Variants in ADAM10 observed in about 807,000 individuals in gnomAD.
ADAM10 encodes ADAM metallopeptidase domain 10, also known as disintegrin and metalloproteinase domain-containing protein 10.
Under a neutral mutation model 90.1 loss-of-function variants are expected in ADAM10, and 17 were observed. The observed-to-expected ratio is 0.19, with a 90% CI of 0.13 to 0.28. ADAM10 has a LOEUF of 0.28. Ranked by LOEUF, ADAM10 falls within the 10% of genes least tolerant of loss-of-function variation. The probability of loss-of-function intolerance (pLI) is 1.00; values close to 1 mark genes in which losing one functional copy is unlikely to be tolerated. For missense variants in ADAM10, 610 were observed against 914.3 expected, an observed-to-expected ratio of 0.67 and a Z score of 4.29; for synonymous variants, 310 against 298.6, an observed-to-expected ratio of 1.04 and a Z score of -0.40.
rs886156524 is a variant in ADAM10 at position 58,590,302 on chromosome 15, G to T, written c.*7245C>A. On this transcript the variant is annotated 3_prime_UTR_variant, in exon 16 of 16. Transcript: ENST00000260408. ...CTCAGCATGTATCACAGCTGGAATT[G>T]TACATTTATTCACATGATTATCTGA... The T allele has an allele frequency of 1.3e-5, 2 of 152,140 alleles. No individual in the cohort carries two copies. Among genetic ancestry groups the T allele is most frequent in the Non-Finnish European group, 1.5e-5 (1 of 68,050 alleles). The allele number at this position is 152,140 out of a possible 1,614,324, so 9.4% of individuals were successfully genotyped here.
rs1474562546 is a variant in ADAM10, at chr15:58,592,941, AAAT to A, written c.*4603_*4605del. Reference sequence around the variant, plus strand: ...GTTTAAAATTCTTTAGAATTGTTTAAAATAATAAACAATGTGGAACCTACATGT... The same window carrying A: ...GTTTAAAATTCTTTAGAATTGTTTAAAATAAACAATGTGGAACCTACATGT... On this transcript the variant is annotated 3_prime_UTR_variant, in exon 16 of 16. Transcript: ENST00000260408. 1 of 150,474 alleles carries A rather than the reference AAAT, an allele frequency of 6.6e-6. No individual in the cohort carries two copies. Among genetic ancestry groups the A allele is most frequent in the Non-Finnish European group, 1.5e-5 (1 of 67,674 alleles). The allele number at this position is 150,474 out of a possible 1,614,324, so 9.3% of individuals were successfully genotyped here.
rs1236658803 is a variant in ADAM10, at chr15:58,643,917, C to T, written c.797G>A (p.Arg266His). The change falls in exon 7 of 16, where the codon CGT becomes CAT. Residue 266 changes from arginine (R) to histidine (H), a missense_variant. Around this residue, in one of 4 missense-constraint regions of ADAM10, gnomAD observed 310 missense variants for 362.4 expected, o/e 0.86. Coordinates refer to ENST00000260408, the MANE Select transcript of ADAM10 (RefSeq NM_001110.4). The part of the protein sequence containing the change: ...IYQTTDFSGI[R>H]NISFMVKRIR... Reference sequence around the variant, plus strand: ...GCGTTTCACCATGAAACTGATGTTACGGATTCCGGAGAAGTCTGTGGTCTG... The same window carrying T: ...GCGTTTCACCATGAAACTGATGTTATGGATTCCGGAGAAGTCTGTGGTCTG... The T allele has an allele frequency of 2.5e-6, 4 of 1,613,082 alleles. No individual in the cohort carries two copies. In the African/African-American group the frequency reaches 4.0e-5, roughly 16 times the overall value.
intron 2 of ADAM10, among the ~76,000 whole-genome samples, chr15:58,694,033 T>C (rs1411756181): frequency 1.3e-5 from 2 of 152,234 alleles, no homozygotes; most frequent in Non-Finnish European, 2.9e-5. Context: ...TACCCTTTGC[T>C]AGAATAACAT....
chr15:58,643,530 A>T (rs1420968801), intron 7 of ADAM10, among the ~76,000 whole-genome samples: 2 of 152,216 alleles, frequency 1.3e-5, no homozygotes, highest in Non-Finnish European at 2.9e-5. Context: ...CACTGCACAA[A>T]GCAAATTTTA....
chr15:58,749,369 G>GC (rs1223721616), intron 1 of ADAM10, 111 bp downstream of exon 1: 6 of 1,211,416 alleles, frequency 5.0e-6, no homozygotes, highest in East Asian at 7.3e-5. Context: ...GGCGCCGCTG[G>GC]CCGGCTGGGC....
intron 1 of ADAM10, chr15:58,748,938 C>T: frequency 2.5e-6 from 1 of 398,774 alleles, no homozygotes; most frequent in Non-Finnish European, 4.4e-6. Context: ...GGGTAAAGAA[C>T]AATACACGAG....
chr15:58,705,981 A>G (rs1898275830), intron 2 of ADAM10, among the ~76,000 whole-genome samples: 1 of 152,220 alleles, frequency 6.6e-6, no homozygotes, highest in African/African-American at 2.4e-5. Context: ...TAATATATTT[A>G]GGGTTTAGTA....
chr15:58,735,069 T>C (rs1022820626), intron 1 of ADAM10, among the ~76,000 whole-genome samples: 16 of 152,206 alleles, frequency 1.1e-4, no homozygotes, highest in Middle Eastern at 3.2e-3. Flanking sequence ...AAAGTATAGA[T>C]AGAGCATGTG....
At position 58,633,101 on chromosome 15, in the gene ADAM10, G is replaced by A. The variant is rs1247318797; in HGVS notation, c.1176+95C>T. 3.3e-6 allele frequency: 4 copies of A among 1,205,158 alleles called. No homozygotes were observed. In the African/African-American group the frequency reaches 6.1e-5, roughly 18 times the overall value. The allele number at this position is 1,205,158 out of a possible 1,614,324, so 74.7% of individuals were successfully genotyped here. A position where few individuals can be genotyped will look rare whatever the true frequency, so the allele number is the denominator to read the frequency against. The stretch of plus-strand genomic sequence containing the variant: ...TGACATAAAAACTAAACACTCGTAA[G>A]TACATTTGTTTTCACGGTGAATTTT... On this transcript the variant is annotated intron_variant, in intron 9 of 15. Transcript: ENST00000260408.
Position 58,595,241 on chromosome 15 carries a change from G to A in ADAM10, c.*2306C>T, listed in dbSNP as rs1894920110. 1 of 152,002 alleles carries A rather than the reference G, an allele frequency of 6.6e-6. No individual in the cohort carries two copies. Among genetic ancestry groups the A allele is most frequent in the Non-Finnish European group, 1.5e-5 (1 of 67,952 alleles). 9.4% of individuals were successfully genotyped at this position (152,002 alleles called of 1,614,324 possible). A position where few individuals can be genotyped will look rare whatever the true frequency, so the allele number is the denominator to read the frequency against. On this transcript the variant is annotated 3_prime_UTR_variant, in exon 16 of 16. Coordinates refer to ENST00000260408, the MANE Select transcript of ADAM10 (RefSeq NM_001110.4). ...AAAAGGTTTATTGTGTGTACGCAGA[G>A]TATCTAACTGGAAATTTTCTACATG...
chr15:58,688,766 T>TTA (rs780219725), intron 2 of ADAM10, among the ~76,000 whole-genome samples: 3,736 of 121,800 alleles, frequency 0.031, 140 homozygotes, highest in East Asian at 0.065. Context: ...AAAAAAAAAA[T>TTA]TATATATATA....
At chr15:58,597,740 G>A (rs1363452288) in intron 15 of ADAM10, 99 bp from the exon 16 acceptor site, 14 of 1,348,986 alleles carry the variant, frequency 1.0e-5, no homozygotes, top group Admixed American at 4.1e-5. Flanking sequence ...TTTTAGTTCA[G>A]TGCTGTCCAA....
chr15:58,599,478 A>G, intron 15 of ADAM10, 120 bp downstream of exon 15: 1 of 1,236,916 alleles, frequency 8.1e-7, no homozygotes, highest in Non-Finnish European at 1.2e-6. Flanking sequence ...TCATCCAATA[A>G]TCCCATTCTT....
chr15:58,644,396 A>AT (rs1896496595), intron 6 of ADAM10, among the ~76,000 whole-genome samples: 1 of 151,806 alleles, frequency 6.6e-6, no homozygotes, highest in African/African-American at 2.4e-5. Flanking sequence ...TGCCCAGCTA[A>AT]TTTTTGTATT....
chr15:58,645,884 C>G (rs1275538761), intron 6 of ADAM10, among the ~76,000 whole-genome samples, 171 bp downstream of exon 6: 1 of 152,106 alleles, frequency 6.6e-6, no homozygotes, highest in African/African-American at 2.4e-5. Context: ...TAAAATATCC[C>G]AACTGGTCTT....
At position 58,651,962 on chromosome 15, in the gene ADAM10, C is replaced by G. The variant is rs143232815; in HGVS notation, c.586-5758G>C. ...CATTTTTACTGAGGTGAGACGGTAT[C>G]TCACTGTAATTTTTATTTGCATTTC... On this transcript the variant is annotated intron_variant, in intron 5 of 15. Coordinates refer to ENST00000260408, the MANE Select transcript of ADAM10 (RefSeq NM_001110.4). Among the ~76,000 whole-genome samples the G allele has an allele frequency of 6.4e-3, 976 of 152,232 alleles. 11 individuals carry two copies. The highest frequency in any genetic ancestry group is 0.023 in the African/African-American group (947 of 41,528).
At chr15:58,729,739 G>A (rs929133161) in intron 1 of ADAM10, among the ~76,000 whole-genome samples, 3 of 152,100 alleles carry the variant, frequency 2.0e-5, no homozygotes, top group South Asian at 2.1e-4. Flanking sequence ...CAAGGCAGGC[G>A]GATCACTTGA....
At chr15:58,609,887 A>G in intron 14 of ADAM10, 1 of 234,096 alleles carries the variant, frequency 4.3e-6, no homozygotes, top group South Asian at 5.8e-5. Flanking sequence ...TACAAACAAG[A>G]TAAAGACCCA....
At chr15:58,723,287 G>A (rs897392178) in intron 1 of ADAM10, among the ~76,000 whole-genome samples, 17 of 152,042 alleles carry the variant, frequency 1.1e-4, no homozygotes, top group African/African-American at 3.6e-4. Context: ...TCACAGCCCC[G>A]TGACTGCAGA....
Sources: allele counts gnomAD v4.1 joint callset (sites outside exome capture counted in the v4.1 genomes callset), GRCh38; gene constraint gnomAD v4.1.1; regional missense constraint gnomAD v4.1.1; transcripts MANE v1.5; gene names NCBI Gene and HGNC (gene_info 2026-07-23, HGNC 2026-07-21).